The following DDR2 variants were observed in gnomAD, a reference collection of about 807,000 sequenced individuals.
The protein encoded by DDR2 is discoidin domain receptor tyrosine kinase 2.
A neutral mutation model predicts 94.9 loss-of-function variants in DDR2; 27 were observed. The ratio of observed to expected loss-of-function variants is 0.28; its 90% confidence interval spans 0.21 to 0.39. DDR2 has a LOEUF of 0.39. DDR2 is among the 10% of genes least tolerant of loss of function. DDR2 has a pLI of 1.00. For synonymous variants in DDR2, 382 were observed against 377.2 expected (o/e 1.01, Z -0.15); for missense variants, 783 against 1,076.0 (o/e 0.73, Z 3.81).
chr1:162,722,114 C>G (rs1661451320), intron 3 of DDR2, among the ~76,000 whole-genome samples: 1 of 152,158 alleles, frequency 6.6e-6, no homozygotes, highest in South Asian at 2.1e-4. Context: ...TATTTGAAAT[C>G]ATAAATGTCT....
At chr1:162,664,801 G>C (rs1658468384) in intron 2 of DDR2, among the ~76,000 whole-genome samples, 1 of 151,970 alleles carries the variant, frequency 6.6e-6, no homozygotes, top group Admixed American at 6.6e-5. Context: ...TTTTTTAAAG[G>C]GAAGATATTG....
chr1:162,640,452 A>C (rs1292840501), intron 1 of DDR2, among the ~76,000 whole-genome samples: 5 of 152,208 alleles, frequency 3.3e-5, no homozygotes, highest in Admixed American at 6.5e-5. Context: ...TTTGTAGCAG[A>C]GGACAAGGGT....
chr1:162,633,664 T>C (rs1040604989), intron 1 of DDR2, among the ~76,000 whole-genome samples: 3 of 152,254 alleles, frequency 2.0e-5, no homozygotes, highest in African/African-American at 7.2e-5. Context: ...AGGCTTATTC[T>C]GGCTGAGACA....
At chr1:162,777,478 CCA>C (rs5778294) in intron 16 of DDR2, among the ~76,000 whole-genome samples, 145,299 of 152,176 alleles carry the variant, frequency 0.95, 69,733 homozygotes, top group East Asian at 1. Flanking sequence ...GTGATGTACA[CCA>C]GTTTACATAA....
chr1:162,755,843 A>T (rs1663438494), intron 7 of DDR2, 74 bp downstream of exon 7: 3 of 1,241,284 alleles, frequency 2.4e-6, no homozygotes, highest in Middle Eastern at 2.2e-4. Flanking sequence ...ATGTCTTGGG[A>T]TCAATAATCA....
chr1:162,723,929 G>T (rs543679287), intron 3 of DDR2, among the ~76,000 whole-genome samples: 18 of 152,302 alleles, frequency 1.2e-4, no homozygotes, highest in African/African-American at 4.3e-4. Flanking sequence ...GGGATTAGGA[G>T]AGGACGAGCT....
chr1:162,763,768 T>C (rs1471525083), intron 9 of DDR2, among the ~76,000 whole-genome samples: 2 of 152,156 alleles, frequency 1.3e-5, no homozygotes, highest in East Asian at 3.9e-4. Flanking sequence ...CAATGAAATA[T>C]GTATATTTAA....
chr1:162,633,883 A>G (rs1384781295), intron 1 of DDR2, among the ~76,000 whole-genome samples: 1 of 152,134 alleles, frequency 6.6e-6, no homozygotes, highest in African/African-American at 2.4e-5. Flanking sequence ...ACATAATTTG[A>G]TTGACTCTCA....
chr1:162,684,445 T>G (rs1318632121), intron 2 of DDR2, among the ~76,000 whole-genome samples: 1 of 152,040 alleles, frequency 6.6e-6, no homozygotes, highest in Non-Finnish European at 1.5e-5. Context: ...TTCATGAAAT[T>G]TATTAATTTA....
chr1:162,783,650 G>T lies in DDR2; in HGVS notation c.*3404G>T, dbSNP rs1275263012. 1 of 152,196 alleles carries T rather than the reference G, an allele frequency of 6.6e-6. No individual in the cohort carries two copies. The highest frequency in any genetic ancestry group is 1.5e-5 in the Non-Finnish European group (1 of 68,028). The allele number at this position is 152,196 out of a possible 1,614,324, so 9.4% of individuals were successfully genotyped here. Reference sequence around the variant, plus strand: ...ATGGATGGAGAAAGAAGAAATTCTGGATGATAGAGATGATAAAAATATTTA... The same window carrying T: ...ATGGATGGAGAAAGAAGAAATTCTGTATGATAGAGATGATAAAAATATTTA... On this transcript the variant is annotated 3_prime_UTR_variant, in exon 18 of 18. Transcript: ENST00000367921.
chr1:162,724,891 G>T (rs542912975), intron 3 of DDR2, among the ~76,000 whole-genome samples: 1 of 152,264 alleles, frequency 6.6e-6, no homozygotes, highest in Non-Finnish European at 1.5e-5. Context: ...GCTAGAAGCT[G>T]CCCAGATTGG....
intron 3 of DDR2, among the ~76,000 whole-genome samples, chr1:162,741,331 G>A (rs1182965732): frequency 7.2e-6 from 1 of 138,920 alleles, no homozygotes; most frequent in Non-Finnish European, 1.6e-5. Context: ...AATTTACCCA[G>A]GTGAGCATCC....
chr1:162,648,508 G>A (rs1657524909), intron 1 of DDR2, among the ~76,000 whole-genome samples: 1 of 152,170 alleles, frequency 6.6e-6, no homozygotes, highest in Non-Finnish European at 1.5e-5. Flanking sequence ...AGCCGGTGAA[G>A]TGTTGTCTTA....
intron 3 of DDR2, among the ~76,000 whole-genome samples, chr1:162,748,440 A>G (rs1663000423): frequency 6.6e-6 from 1 of 152,258 alleles, no homozygotes; most frequent in African/African-American, 2.4e-5. Context: ...CAATTCAACA[A>G]GAAGAGCTAA....
chr1:162,773,688 A>G (rs1647358669), intron 14 of DDR2, 92 bp downstream of exon 14: 1 of 1,566,298 alleles, frequency 6.4e-7, no homozygotes, highest in Non-Finnish European at 8.7e-7. Flanking sequence ...TTTTCTTTTG[A>G]GATGGGAAGG....
chr1:162,756,987 G>T (rs1663494330), intron 7 of DDR2, among the ~76,000 whole-genome samples: 1 of 152,180 alleles, frequency 6.6e-6, no homozygotes, highest in South Asian at 2.1e-4. Context: ...TGGAGTCATT[G>T]ATCCTACCTT....
At chr1:162,668,326 C>CT (rs2101932478) in intron 2 of DDR2, among the ~76,000 whole-genome samples, 1 of 152,240 alleles carries the variant, frequency 6.6e-6, no homozygotes, top group Admixed American at 6.5e-5. Flanking sequence ...TAGACCTTAG[C>CT]TTGTGATTGA....
intron 4 of DDR2, 133 bp downstream of exon 4, chr1:162,753,330 A>C: frequency 1.3e-6 from 1 of 793,808 alleles, no homozygotes; most frequent in East Asian, 2.8e-5. Flanking sequence ...GACAGACAGC[A>C]AGTGGGCCTG....
chr1:162,729,300 A>ATATATATATATATT (rs1416872679), intron 3 of DDR2, among the ~76,000 whole-genome samples: 1 of 94,016 alleles, frequency 1.1e-5, no homozygotes, highest in African/African-American at 5.3e-5. Context: ...ATATATATAT[A>ATATATATATATATT]TTTTTTTTTT....
Sources: allele counts gnomAD v4.1 joint callset (sites outside exome capture counted in the v4.1 genomes callset), GRCh38; gene constraint gnomAD v4.1.1; transcripts MANE v1.5; gene names NCBI Gene and HGNC (gene_info 2026-07-23, HGNC 2026-07-21).